Variants in PDE4D observed in about 807,000 individuals in gnomAD.
The protein encoded by PDE4D is 3',5'-cyclic-AMP phosphodiesterase 4D.
PDE4D carries 24 observed loss-of-function variants against 87.4 expected under a neutral mutation model. The ratio of observed to expected loss-of-function variants is 0.27; its 90% confidence interval spans 0.20 to 0.39. The LOEUF (loss-of-function observed/expected upper bound fraction) is 0.39. PDE4D is among the 10% of genes least tolerant of loss of function. The pLI is 1.00. For synonymous variants in PDE4D, 384 were observed against 383.2 expected (o/e 1.00, Z -0.02); for missense variants, 714 against 1,041.0 (o/e 0.69, Z 4.32).
At chr5:59,482,855 A>G (rs1804508963) in intron 1 of PDE4D, among the ~76,000 whole-genome samples, 1 of 152,084 alleles carries the variant, frequency 6.6e-6, no homozygotes, top group African/African-American at 2.4e-5. Flanking sequence ...GGGATGATTG[A>G]TTTTATGTGT....
At chr5:59,757,434 G>T (rs1034663163) in intron 1 of PDE4D, among the ~76,000 whole-genome samples, 1 of 152,100 alleles carries the variant, frequency 6.6e-6, no homozygotes, top group African/African-American at 2.4e-5. Context: ...TAGTCCCAGA[G>T]ATATTTCCAT....
intron 1 of PDE4D, among the ~76,000 whole-genome samples, chr5:59,829,134 T>C (rs922890727): frequency 7.4e-6 from 1 of 135,374 alleles, no homozygotes; most frequent in Admixed American, 7.8e-5. Context: ...AAAGACATCA[T>C]ATACTTATCT....
At chr5:60,138,134 T>G (rs1337282860) in intron 2 of PDE4D, among the ~76,000 whole-genome samples, 2 of 152,094 alleles carry the variant, frequency 1.3e-5, no homozygotes, top group African/African-American at 4.8e-5. Flanking sequence ...ATTCTTTTTC[T>G]CTGGTCTATG....
In PDE4D at chr5:60,268,491, T is replaced by A. The variant is rs573789544; in HGVS notation, c.-89-82804A>T. 3.4e-4 allele frequency among the ~76,000 whole-genome samples: 52 copies of A among 152,280 alleles called. No individual in the cohort carries two copies. The South Asian group carries it at 0.01, about 30-fold the overall frequency. On this transcript the variant is annotated intron_variant, in intron 1 of 16. Transcript: ENST00000502484. The stretch of plus-strand genomic sequence containing the variant: ...CGGCTACCTCACAGGCTTAGCAACT[T>A]ACAGAAGGTACCTCAGTAGCACATA...
At chr5:59,657,421 C>A (rs2150267812) in intron 1 of PDE4D, among the ~76,000 whole-genome samples, 1 of 152,126 alleles carries the variant, frequency 6.6e-6, no homozygotes, top group Non-Finnish European at 1.5e-5. Flanking sequence ...TAAGGCTATG[C>A]CTGTGCCTTA....
intron 1 of PDE4D, among the ~76,000 whole-genome samples, chr5:59,875,233 G>T (rs949726514): frequency 6.6e-6 from 1 of 151,822 alleles, no homozygotes; most frequent in African/African-American, 2.4e-5. Context: ...AGGCCGAGGC[G>T]GGCGGATCAC....
At chr5:60,066,391 C>T (rs1305078655) in intron 2 of PDE4D, among the ~76,000 whole-genome samples, 1 of 151,914 alleles carries the variant, frequency 6.6e-6, no homozygotes, top group African/African-American at 2.4e-5. Context: ...GTATTTAGTA[C>T]ATGGAGATGT....
At chr5:59,917,573 C>A (rs941280520) in intron 3 of PDE4D, among the ~76,000 whole-genome samples, 1 of 152,210 alleles carries the variant, frequency 6.6e-6, no homozygotes, top group Non-Finnish European at 1.5e-5. Context: ...ATTAAACTCT[C>A]TGACTTTTAA....
rs900124731 is a variant in PDE4D, at chr5:59,270,943, G to A, written c.456-54975C>T. ...TTAACAACTCCTTCTTTTCAATATTGTAATAAGAACTAAATAATATATATG... is the reference window on the plus strand; with the variant it reads ...TTAACAACTCCTTCTTTTCAATATTATAATAAGAACTAAATAATATATATG... On this transcript the variant is annotated intron_variant, in intron 1 of 14. Coordinates refer to ENST00000340635, the MANE Select transcript of PDE4D (RefSeq NM_001104631.2). Among the ~76,000 whole-genome samples, 5 of 152,000 alleles carry A rather than the reference G, an allele frequency of 3.3e-5. No homozygotes were observed. In the East Asian group the frequency reaches 9.7e-4, roughly 29 times the overall value.
intron 1 of PDE4D, among the ~76,000 whole-genome samples, chr5:60,191,464 T>C (rs1292658674): frequency 6.6e-6 from 1 of 152,152 alleles, no homozygotes; most frequent in Non-Finnish European, 1.5e-5. Flanking sequence ...CCTGTGTTCA[T>C]TCTCCTTCCT....
chr5:60,243,993 T>C (rs1747424883), intron 1 of PDE4D, among the ~76,000 whole-genome samples: 1 of 151,900 alleles, frequency 6.6e-6, no homozygotes, highest in South Asian at 2.1e-4. Flanking sequence ...GTATCCGAAT[T>C]AGAAAGGAAG....
intron 1 of PDE4D, among the ~76,000 whole-genome samples, chr5:60,494,281 C>T (rs1162454594): frequency 6.6e-6 from 1 of 152,136 alleles, no homozygotes; most frequent in African/African-American, 2.4e-5. Flanking sequence ...ATCTCAGACT[C>T]AGAGGTGGGT....
intron 1 of PDE4D, among the ~76,000 whole-genome samples, chr5:60,444,895 T>C (rs1251911599): frequency 7.0e-6 from 1 of 142,796 alleles, no homozygotes; most frequent in Non-Finnish European, 1.5e-5. Flanking sequence ...TCTATGATGC[T>C]ATCAATCCTC....
At chr5:60,516,309 G>T (rs1750800800) in intron 1 of PDE4D, among the ~76,000 whole-genome samples, 3 of 152,236 alleles carry the variant, frequency 2.0e-5, no homozygotes, top group Non-Finnish European at 4.4e-5. Context: ...CTCAGGAAGG[G>T]CATTAGAGGC....
chr5:59,918,115 A>T (rs1210408958), intron 3 of PDE4D, among the ~76,000 whole-genome samples: 1 of 152,100 alleles, frequency 6.6e-6, no homozygotes, highest in Non-Finnish European at 1.5e-5. Flanking sequence ...TGATAAAAAT[A>T]TATAACCATC....
Position 59,714,428 on chromosome 5 carries a change from G to A in PDE4D, c.455+178740C>T, listed in dbSNP as rs547742146. On this transcript the variant is annotated intron_variant, in intron 1 of 14. Transcript: ENST00000340635. ...CTGGCTGAGGTGCCTGGCCTGGGGGGACACCAGACAAATAGAGGCCACATG... is the reference window on the plus strand; with the variant it reads ...CTGGCTGAGGTGCCTGGCCTGGGGGAACACCAGACAAATAGAGGCCACATG... Among the ~76,000 whole-genome samples the A allele has an allele frequency of 5.9e-5, 9 of 152,310 alleles. 1 individual carries two copies. The highest frequency in any genetic ancestry group is 1.9e-4 in the African/African-American group (8 of 41,578).
rs1286578613 is a variant in PDE4D at position 58,975,775 on chromosome 5, C to T, written c.1895G>A (p.Arg632His). Residue 632 changes from arginine (R) to histidine (H), a missense_variant, in exon 14 of 15, where the codon CGC (arginine) becomes CAC (histidine). Arg to His is a conservative substitution (Grantham distance 29). Around this residue, in one of 7 missense-constraint regions of PDE4D, gnomAD observed 97 missense variants for 176.9 expected, o/e 0.55. Transcript: ENST00000340635. The surrounding 1 kb of genome is among the most constrained non-coding windows in gnomAD (Gnocchi z 4.2). ...SNPTKPLQLY[R>H]QWTDRIMEEF... ...CTCCATTATCCGGTCCGTCCACTGGCGGTACAGCTGGAGAGGCTTTGTTGG... is the reference window on the plus strand; with the variant it reads ...CTCCATTATCCGGTCCGTCCACTGGTGGTACAGCTGGAGAGGCTTTGTTGG... The T allele has an allele frequency of 1.2e-6, 2 of 1,612,082 alleles. No homozygotes were observed. The highest frequency in any genetic ancestry group is 1.6e-4 in the Middle Eastern group (1 of 6,074).
At chr5:59,353,763 C>G (rs1780907317) in intron 1 of PDE4D, among the ~76,000 whole-genome samples, 1 of 152,008 alleles carries the variant, frequency 6.6e-6, no homozygotes, top group South Asian at 2.1e-4. Context: ...CTTCTTTTCT[C>G]TTTCAATCCT....
At chr5:59,366,122 G>T (rs372730125) in intron 1 of PDE4D, among the ~76,000 whole-genome samples, 9 of 152,072 alleles carry the variant, frequency 5.9e-5, no homozygotes, top group African/African-American at 2.2e-4. Context: ...CTACTGTTTA[G>T]ATTCCAACAG....
Sources: allele counts gnomAD v4.1 joint callset (sites outside exome capture counted in the v4.1 genomes callset), GRCh38; gene constraint gnomAD v4.1.1; regional missense constraint gnomAD v4.1.1; non-coding constraint Gnocchi (gnomAD v3.1); transcripts MANE v1.5; gene names NCBI Gene and HGNC (gene_info 2026-07-23, HGNC 2026-07-21).